The following PAK5 variants were observed in gnomAD, a reference collection of about 807,000 sequenced individuals.
The protein encoded by PAK5 is p21 (RAC1) activated kinase 5.
PAK5 carries 16 observed loss-of-function variants against 65.9 expected under a neutral mutation model. The observed-to-expected ratio is 0.24, with a 90% CI of 0.16 to 0.37. The LOEUF (loss-of-function observed/expected upper bound fraction) is 0.37. Among genes scored for constraint, PAK5 ranks in the 10% least tolerant of loss-of-function variants. The probability of loss-of-function intolerance (pLI) is 1.00; values close to 1 mark genes in which losing one functional copy is unlikely to be tolerated. For missense variants in PAK5, 785 were observed against 903.9 expected (o/e 0.87, Z 1.69); for synonymous variants, 371 against 354.9 (o/e 1.05, Z -0.51).
At chr20:9,774,400 C>T (rs2048865592) in intron 1 of PAK5, among the ~76,000 whole-genome samples, 1 of 152,116 alleles carries the variant, frequency 6.6e-6, no homozygotes, top group Non-Finnish European at 1.5e-5. Flanking sequence ...AGTTGGGGAG[C>T]CGCTGGACTT....
At chr20:9,754,390 T>C (rs962140400) in intron 1 of PAK5, among the ~76,000 whole-genome samples, 7 of 152,002 alleles carry the variant, frequency 4.6e-5, no homozygotes, top group African/African-American at 1.7e-4. Flanking sequence ...AGAGATGAAA[T>C]TACAGGGCAT....
chr20:9,560,367 T>G (rs1186109274), intron 6 of PAK5, among the ~76,000 whole-genome samples: 2 of 152,180 alleles, frequency 1.3e-5, no homozygotes, highest in Admixed American at 6.5e-5. Context: ...AAGGATACCT[T>G]TTAAAATTTT....
chr20:9,711,932 T>C (rs372304889), intron 1 of PAK5, among the ~76,000 whole-genome samples: 1 of 152,218 alleles, frequency 6.6e-6, no homozygotes, highest in African/African-American at 2.4e-5. Flanking sequence ...GTGGCTCCAA[T>C]ATTTTTGTCA....
At chr20:9,632,114 T>C (rs2046929196) in intron 3 of PAK5, among the ~76,000 whole-genome samples, 2 of 152,322 alleles carry the variant, frequency 1.3e-5, no homozygotes, top group African/African-American at 4.8e-5. Context: ...TTATTTTCAG[T>C]TAGGTCACCA....
At position 9,839,022 on chromosome 20, in the gene PAK5, G is replaced by T. The variant is rs1277973311; in HGVS notation, c.-422C>A. On this transcript the variant is annotated 5_prime_UTR_variant, in exon 1 of 10. Coordinates refer to ENST00000353224, the MANE Select transcript of PAK5 (RefSeq NM_177990.4). ...CTCGGAGGACTGTCCATGAGCGTAC[G>T]CAGCTGCTCCGGGTTTTCGTGGCAG... 6.6e-6 allele frequency: 1 copy of T among 152,168 alleles called. No individual in the cohort carries two copies. The highest frequency in any genetic ancestry group is 6.6e-5 in the Admixed American group (1 of 15,262). The allele number at this position is 152,168 out of a possible 1,614,324, so 9.4% of individuals were successfully genotyped here. A position where few individuals can be genotyped will look rare whatever the true frequency, so the allele number is the denominator to read the frequency against.
At chr20:9,650,817 A>G (rs950382671) in intron 2 of PAK5, among the ~76,000 whole-genome samples, 1 of 152,222 alleles carries the variant, frequency 6.6e-6, no homozygotes, top group Non-Finnish European at 1.5e-5. Flanking sequence ...AATATCCACA[A>G]GAAGCCACCA....
intron 7 of PAK5, 45 bp downstream of exon 7, chr20:9,557,561 CAG>C (rs1337317176): frequency 1.3e-6 from 2 of 1,545,950 alleles, no homozygotes; most frequent in South Asian, 2.4e-5. Flanking sequence ...CCATGACAGA[CAG>C]AGTGACAAGA....
intron 1 of PAK5, among the ~76,000 whole-genome samples, chr20:9,730,669 T>G (rs868312834): frequency 6.6e-6 from 1 of 152,200 alleles, no homozygotes; most frequent in African/African-American, 2.4e-5. Flanking sequence ...TTACATGTCA[T>G]GCTGACTCCT....
rs1446281230 is a variant in PAK5, at chr20:9,611,195, G to A, written c.205-30265C>T. Reference sequence around the variant, plus strand: ...CTTTGCCTGCATAGGCAGAGAAGTGGTAATGCCGGGGAGTAATATGCCACT... The same window carrying A: ...CTTTGCCTGCATAGGCAGAGAAGTGATAATGCCGGGGAGTAATATGCCACT... On this transcript the variant is annotated intron_variant, in intron 3 of 9. Coordinates refer to ENST00000353224, the MANE Select transcript of PAK5 (RefSeq NM_177990.4). Among the ~76,000 whole-genome samples, 4 of 152,330 alleles carry A rather than the reference G, an allele frequency of 2.6e-5. No individual in the cohort carries two copies. The East Asian group carries it at 5.8e-4, about 22-fold the overall frequency.
At chr20:9,593,244 C>G (rs1349409375) in intron 3 of PAK5, among the ~76,000 whole-genome samples, 2 of 151,914 alleles carry the variant, frequency 1.3e-5, no homozygotes, top group African/African-American at 4.8e-5. Flanking sequence ...TTGGAGTTTG[C>G]AGTCAGGTAT....
intron 1 of PAK5, among the ~76,000 whole-genome samples, chr20:9,718,004 T>C (rs1185702297): frequency 6.6e-6 from 1 of 151,754 alleles, no homozygotes; most frequent in Non-Finnish European, 1.5e-5. Flanking sequence ...TCATTCATGA[T>C]ATGCATTCAA....
At chr20:9,678,113 C>T (rs1312884044) in intron 2 of PAK5, among the ~76,000 whole-genome samples, 1 of 152,212 alleles carries the variant, frequency 6.6e-6, no homozygotes, top group East Asian at 1.9e-4. Flanking sequence ...TCTAACAAGA[C>T]TCATTTTTTC....
At chr20:9,612,851 C>T (rs2046588730) in intron 3 of PAK5, among the ~76,000 whole-genome samples, 1 of 152,160 alleles carries the variant, frequency 6.6e-6, no homozygotes, top group Admixed American at 6.5e-5. Flanking sequence ...CTAGTTTCCT[C>T]ATGACATTTA....
rs950155970 is a variant in PAK5, at chr20:9,816,462, C to T, written c.-162+22300G>A. Among the ~76,000 whole-genome samples the T allele has an allele frequency of 2.6e-5, 4 of 152,110 alleles. 1 individual carries two copies. Among genetic ancestry groups the T allele is most frequent in the African/African-American group, 7.2e-5 (3 of 41,398 alleles). ...AAGAAATTTGTATTTGAATCAGCAGCCTGGGTAAAGTGAATTGCCTTCCCC... is the reference window on the plus strand; with the variant it reads ...AAGAAATTTGTATTTGAATCAGCAGTCTGGGTAAAGTGAATTGCCTTCCCC... On this transcript the variant is annotated intron_variant, in intron 1 of 9. Transcript: ENST00000353224.
intron 3 of PAK5, among the ~76,000 whole-genome samples, chr20:9,612,396 C>A (rs2046579493): frequency 6.6e-6 from 1 of 152,172 alleles, no homozygotes; most frequent in East Asian, 1.9e-4. Context: ...CAAGGTTCTG[C>A]AGGCTGTACA....
chr20:9,576,178 T>C (rs768184193), intron 4 of PAK5, among the ~76,000 whole-genome samples: 3 of 152,216 alleles, frequency 2.0e-5, no homozygotes, highest in Non-Finnish European at 4.4e-5. Flanking sequence ...ACACGGGCTG[T>C]CTTTATCCTT....
At chr20:9,553,120 A>G (rs1415027363) in intron 7 of PAK5, among the ~76,000 whole-genome samples, 1 of 152,170 alleles carries the variant, frequency 6.6e-6, no homozygotes, top group South Asian at 2.1e-4. Context: ...GCTACAGTAC[A>G]ATATCAACAC....
rs76685214 is a variant in PAK5, at chr20:9,815,596, G to A, written c.-162+23166C>T. ...TCAGGTATAATTTTGCAATGGTCCC[G>A]TCGGTTATAATTCTCTGTGTTCTGA... On this transcript the variant is annotated intron_variant, in intron 1 of 9. Transcript: ENST00000353224. Among the ~76,000 whole-genome samples the A allele has an allele frequency of 1.1e-4, 17 of 152,144 alleles. No individual in the cohort carries two copies. The East Asian group carries it at 1.2e-3, about 10-fold the overall frequency.
At chr20:9,786,692 A>AGTGTCCCTT (rs1200291005) in intron 1 of PAK5, among the ~76,000 whole-genome samples, 42 of 152,274 alleles carry the variant, frequency 2.8e-4, no homozygotes, top group African/African-American at 9.9e-4. Context: ...TATATAATTG[A>AGTGTCCCTT]TATGTGGATA....
Sources: allele counts gnomAD v4.1 joint callset (sites outside exome capture counted in the v4.1 genomes callset), GRCh38; gene constraint gnomAD v4.1.1; transcripts MANE v1.5; gene names NCBI Gene and HGNC (gene_info 2026-07-23, HGNC 2026-07-21).